ZSCAN1: variants seen among roughly 807,000 people sequenced by gnomAD.
ZSCAN1 encodes the protein zinc finger and SCAN domain containing 1.
ZSCAN1 carries 23 observed loss-of-function variants against 23.8 expected under a neutral mutation model. The observed-to-expected ratio is 0.97, with a 90% confidence interval of 0.70 to 1.37. The LOEUF is 1.37. Ranked by LOEUF, ZSCAN1 falls within the 40% of genes most tolerant of loss-of-function variation. The pLI is 0.00. For synonymous variants in ZSCAN1, 236 were observed against 232.3 expected (o/e 1.02, Z -0.15); for missense variants, 575 against 554.0 (o/e 1.04, Z -0.38).
chr19:58,041,014 G>A (rs1008824334), intron 4 of ZSCAN1, among the ~76,000 whole-genome samples: 8 of 152,206 alleles, frequency 5.3e-5, no homozygotes, highest in Non-Finnish European at 8.8e-5. Context: ...GGAGCCAAGC[G>A]GATCTCTGTG....
rs1002086396 is a variant in ZSCAN1 at position 58,049,508 on chromosome 19, C to G, written c.466-2982C>G. Among the ~76,000 whole-genome samples, 4 of 152,148 alleles carry G rather than the reference C, an allele frequency of 2.6e-5. No individual in the cohort carries two copies. The highest frequency in any genetic ancestry group is 9.7e-5 in the African/African-American group (4 of 41,432). On this transcript the variant is annotated intron_variant, in intron 4 of 5. Transcript: ENST00000282326. The surrounding 1 kb of genome is among the most constrained non-coding windows in gnomAD (Gnocchi z 4.5). Reference sequence around the variant, plus strand: ...ATTCAGGGTCAGGCAGCAGCTTATGCTACGGAGTTGGATTTCAAATGGTGG... The same window carrying G: ...ATTCAGGGTCAGGCAGCAGCTTATGGTACGGAGTTGGATTTCAAATGGTGG...
rs2123448365 is a variant in ZSCAN1 at position 58,054,374 on chromosome 19, T to G, written c.*323T>G. 4.0e-6 allele frequency: 1 copy of G among 250,690 alleles called. No homozygotes were observed. The allele number at this position is 250,690 out of a possible 1,614,324, so 15.5% of individuals were successfully genotyped here. On this transcript the variant is annotated 3_prime_UTR_variant, in exon 6 of 6. Coordinates refer to ENST00000282326, the MANE Select transcript of ZSCAN1 (RefSeq NM_182572.4). This position sits in a 1 kb window ranked among gnomAD's most constrained non-coding sequence, Gnocchi z 4.2. ...AGAAGCCTTGTCCAGGTCTCCCTGT[T>G]AGCACCTGACTCAGCGGCAGCTTCT...
In ZSCAN1 at chr19:58,045,073, A is replaced by C. The variant is rs1364873996; in HGVS notation, c.465+4529A>C. The C allele has an allele frequency of 1.7e-6, 2 of 1,167,244 alleles. No individual in the cohort carries two copies. Among genetic ancestry groups the C allele is most frequent in the Non-Finnish European group, 2.6e-6 (2 of 776,228 alleles). The allele number at this position is 1,167,244 out of a possible 1,614,324, so 72.3% of individuals were successfully genotyped here. On this transcript the variant is annotated intron_variant, in intron 4 of 5. Coordinates refer to ENST00000282326, the MANE Select transcript of ZSCAN1 (RefSeq NM_182572.4). The surrounding 1 kb of genome is among the most constrained non-coding windows in gnomAD (Gnocchi z 4.3). Reference sequence around the variant, plus strand: ...GAGAGGGTGCTGGGCGAGCTGAGGCACTACTACCATGGCTTCCGCCTGCTA... The same window carrying C: ...GAGAGGGTGCTGGGCGAGCTGAGGCCCTACTACCATGGCTTCCGCCTGCTA...
intron 3 of ZSCAN1, 33 bp downstream of exon 3, chr19:58,038,239 G>T: frequency 6.3e-7 from 1 of 1,575,110 alleles, no homozygotes; most frequent in Non-Finnish European, 8.6e-7. Context: ...CCCGGGCCGG[G>T]CCAGGGGGCC....
At chr19:58,048,339 G>A (rs140333808) in intron 4 of ZSCAN1, among the ~76,000 whole-genome samples, 22 of 152,366 alleles carry the variant, frequency 1.4e-4, no homozygotes, top group African/African-American at 5.0e-4. Flanking sequence ...AACTGCCCTG[G>A]GGCATGTAGG....
chr19:58,051,660 T>C (rs1356262976), intron 4 of ZSCAN1, among the ~76,000 whole-genome samples: 6 of 152,174 alleles, frequency 3.9e-5, no homozygotes, highest in African/African-American at 1.4e-4. Flanking sequence ...TCTGATGCTT[T>C]GTTTGACTCA....
chr19:58,045,837 G>C lies in ZSCAN1; in HGVS notation c.465+5293G>C. ...TCCTGTCCCGGACCATGTAGCTCCCGGACACCCTCTTGCCAGCCGACCAGC... is the reference window on the plus strand; with the variant it reads ...TCCTGTCCCGGACCATGTAGCTCCCCGACACCCTCTTGCCAGCCGACCAGC... On this transcript the variant is annotated intron_variant, in intron 4 of 5. Transcript: ENST00000282326. The surrounding 1 kb of genome is among the most constrained non-coding windows in gnomAD (Gnocchi z 4.3). The C allele has an allele frequency of 7.7e-7, 1 of 1,302,700 alleles. No individual in the cohort carries two copies. Among genetic ancestry groups the C allele is most frequent in the East Asian group, 2.3e-5 (1 of 43,458 alleles). The allele number at this position is 1,302,700 out of a possible 1,614,324, so 80.7% of individuals were successfully genotyped here. A position where few individuals can be genotyped will look rare whatever the true frequency, so the allele number is the denominator to read the frequency against.
chr19:58,048,678 G>A (rs750216774), intron 4 of ZSCAN1, among the ~76,000 whole-genome samples: 17 of 152,138 alleles, frequency 1.1e-4, no homozygotes, highest in African/African-American at 2.4e-4. Flanking sequence ...GGCTGGTCTC[G>A]AATTCCTGAC....
intron 3 of ZSCAN1, among the ~76,000 whole-genome samples, chr19:58,038,881 C>G (rs940652392): frequency 1.3e-5 from 2 of 152,352 alleles, no homozygotes; most frequent in East Asian, 3.9e-4. Context: ...TGAGAGCAGT[C>G]GTGGCACTGT....
rs1177897451 is a variant in ZSCAN1, at chr19:58,040,477, C to G, written c.398C>G (p.Pro133Arg). The G allele has an allele frequency of 6.2e-7, 1 of 1,613,532 alleles. No homozygotes were observed. The highest frequency in any genetic ancestry group is 1.7e-5 in the Admixed American group (1 of 59,994). The change falls in exon 4 of 6, where the codon CCC becomes CGC. Residue 133 changes from proline to arginine, a missense_variant. By Grantham distance (103) the Pro-to-Arg change is moderately radical (BLOSUM62 -2). Transcript: ENST00000282326. This position sits in a 1 kb window ranked among gnomAD's most constrained non-coding sequence, Gnocchi z 5.8. The stretch of plus-strand genomic sequence containing the variant: ...CTGGTATCTCTGGACTCGGTCGAAC[C>G]CCAGGACTGGAGTTTCGGTGAGGAG... ...EVLVSLDSVE[P>R]QDWSFGEEED...
chr19:58,042,022 A>T (rs1027192333), intron 4 of ZSCAN1, among the ~76,000 whole-genome samples: 1 of 152,202 alleles, frequency 6.6e-6, no homozygotes, highest in Non-Finnish European at 1.5e-5. Flanking sequence ...ACCTTCAAAT[A>T]AGGAAGAGGA....
rs2073878709 is a variant in ZSCAN1, at chr19:58,054,245, G to T, written c.*194G>T. 6 of 671,288 alleles carry T rather than the reference G, an allele frequency of 8.9e-6. No individual in the cohort carries two copies. The Admixed American group carries it at 1.6e-4, about 18-fold the overall frequency. 41.6% of individuals were successfully genotyped at this position (671,288 alleles called of 1,614,324 possible). ...CAAGCACGGGATGGGGCTTCCCAGGGTCTCAGCTGAGAAGCAGCAGTTCCA... is the reference window on the plus strand; with the variant it reads ...CAAGCACGGGATGGGGCTTCCCAGGTTCTCAGCTGAGAAGCAGCAGTTCCA... On this transcript the variant is annotated 3_prime_UTR_variant, in exon 6 of 6. Transcript: ENST00000282326. The surrounding 1 kb of genome is among the most constrained non-coding windows in gnomAD (Gnocchi z 4.2).
intron 3 of ZSCAN1, chr19:58,038,519 TC>T (rs2073759151): frequency 5.4e-6 from 3 of 553,598 alleles, no homozygotes; most frequent in Non-Finnish European, 9.5e-6. Context: ...CCTCGCCACT[TC>T]CTCCCAGCCA....
intron 4 of ZSCAN1, among the ~76,000 whole-genome samples, chr19:58,042,894 G>A (rs1399284854): frequency 5.3e-5 from 8 of 152,228 alleles, no homozygotes; most frequent in Non-Finnish European, 1.2e-4. Flanking sequence ...GTTGGCGCTG[G>A]TTTAGGCTGT....
intron 1 of ZSCAN1, among the ~76,000 whole-genome samples, 151 bp downstream of exon 1, chr19:58,034,312 G>GGGGGC (rs1316922924): frequency 6.7e-6 from 1 of 150,256 alleles, no homozygotes. Flanking sequence ...GGGCCCGGGA[G>GGGGGC]GGGGCGGGCC....
chr19:58,042,605 G>A (rs1323277777), intron 4 of ZSCAN1, among the ~76,000 whole-genome samples: 1 of 152,084 alleles, frequency 6.6e-6, no homozygotes, highest in Non-Finnish European at 1.5e-5. Context: ...AAAGTTTCGT[G>A]GGCCGTGGTT....
chr19:58,053,485 C>T lies in ZSCAN1; in HGVS notation c.661C>T (p.Leu221Phe), dbSNP rs1023033055. 3 of 1,613,926 alleles carry T rather than the reference C, an allele frequency of 1.9e-6. No homozygotes were observed. The African/African-American group carries it at 4.0e-5, about 22-fold the overall frequency. The change falls in exon 6 of 6, where the codon CTC (leucine) becomes TTC (phenylalanine). Residue 221 changes from leucine (L) to phenylalanine (F), a missense_variant. Transcript: ENST00000282326. This position sits in a 1 kb window ranked among gnomAD's most constrained non-coding sequence, Gnocchi z 5.8. The part of the protein sequence containing the change: ...PSIWDEPEDL[L>F]AGPSSDLRAE... ...TATCTGGGACGAGCCTGAGGACCTTCTCGCAGGGCCCTCCTCAGACCTGCG... is the reference window on the plus strand; with the variant it reads ...TATCTGGGACGAGCCTGAGGACCTTTTCGCAGGGCCCTCCTCAGACCTGCG...
rs1599902001 is a variant in ZSCAN1, at chr19:58,040,967, C to G, written c.465+423C>G. On this transcript the variant is annotated intron_variant, in intron 4 of 5. Coordinates refer to ENST00000282326, the MANE Select transcript of ZSCAN1 (RefSeq NM_182572.4). The surrounding 1 kb of genome is among the most constrained non-coding windows in gnomAD (Gnocchi z 5.8). ...CCCTGCAGCTAGACCTGCTGTTGCG[C>G]AGGCCTCAAGGCGACGGGAGGGGCC... Among the ~76,000 whole-genome samples, 1 of 152,318 alleles carries G rather than the reference C, an allele frequency of 6.6e-6. No homozygotes were observed. The highest frequency in any genetic ancestry group is 1.9e-4 in the East Asian group (1 of 5,180).
At position 58,040,499 on chromosome 19, in the gene ZSCAN1, G is replaced by A. The variant is rs748092795; in HGVS notation, c.420G>A (p.Glu140=). 6.2e-6 allele frequency: 10 copies of A among 1,613,640 alleles called. No homozygotes were observed. The South Asian group carries it at 8.8e-5, about 14-fold the overall frequency. Residue 140 remains glutamate, a synonymous_variant, in exon 4 of 6, where the codon GAG becomes GAA. Coordinates refer to ENST00000282326, the MANE Select transcript of ZSCAN1 (RefSeq NM_182572.4). This position sits in a 1 kb window ranked among gnomAD's most constrained non-coding sequence, Gnocchi z 5.8. ...AACCCCAGGACTGGAGTTTCGGTGA[G>A]GAGGAAGATGGGAAGAGTCCAAGGT... ...SVEPQDWSFG[E]EEDGKSPRSQ...
Sources: allele counts gnomAD v4.1 joint callset (sites outside exome capture counted in the v4.1 genomes callset), GRCh38; gene constraint gnomAD v4.1.1; non-coding constraint Gnocchi (gnomAD v3.1); transcripts MANE v1.5; gene names NCBI Gene and HGNC (gene_info 2026-07-23, HGNC 2026-07-21).